The following BRD8 variants were observed in gnomAD, a reference collection of about 807,000 sequenced individuals.
The protein encoded by BRD8 is bromodomain-containing protein 8.
Under a neutral mutation model 143.1 loss-of-function variants are expected in BRD8, and 67 were observed. The observed-to-expected ratio is 0.47, with a 90% CI of 0.38 to 0.57. The LOEUF (loss-of-function observed/expected upper bound fraction) is 0.57, where lower values mean the gene tolerates loss of function less well. Among genes scored for constraint, BRD8 ranks in the 20% least tolerant of loss-of-function variants. BRD8 has a pLI of 0.00. For synonymous variants in BRD8, 505 were observed against 517.1 expected, an observed-to-expected ratio of 0.98 and a Z score of 0.32; for missense variants, 1,103 against 1,503.0, an observed-to-expected ratio of 0.73 and a Z score of 4.40.
chr5:138,169,183 C>T (rs935406005), intron 8 of BRD8, 39 bp downstream of exon 8: 2 of 1,604,104 alleles, frequency 1.2e-6, no homozygotes, highest in Non-Finnish European at 1.7e-6. Flanking sequence ...GCTTATTGCC[C>T]CTTCACTGAT....
chr5:138,177,492 A>T, intron 2 of BRD8, 79 bp downstream of exon 2: 1 of 847,932 alleles, frequency 1.2e-6, no homozygotes. Context: ...TAATATGATT[A>T]ACTATAGAAA....
In BRD8 at chr5:138,140,707, G is replaced by GA; in HGVS notation, c.3612dup (p.Gln1205SerfsTer15). On this transcript the variant is annotated frameshift_variant, in exon 26 of 27. Transcript: ENST00000254900. LOFTEE classifies it high-confidence loss of function. ...CTACAGGTATCTGCATACAGTACCT[G>GA]AATCTGCTCCAGGACTTCTTGCCGC... The GA allele has an allele frequency of 6.2e-7, 1 of 1,613,882 alleles. No individual in the cohort carries two copies. Among genetic ancestry groups the GA allele is most frequent in the South Asian group, 1.1e-5 (1 of 91,078 alleles).
intron 6 of BRD8, 168 bp from the exon 7 acceptor site, chr5:138,170,577 C>A: frequency 2.4e-6 from 2 of 827,198 alleles, no homozygotes; most frequent in Non-Finnish European, 4.2e-6. Context: ...TGCCTAACTC[C>A]CAGTTCTTCA....
chr5:138,151,570 A>G (rs1178113186), intron 21 of BRD8, among the ~76,000 whole-genome samples: 1 of 152,248 alleles, frequency 6.6e-6, no homozygotes, highest in Non-Finnish European at 1.5e-5. Flanking sequence ...CAAAAGCATG[A>G]ATTACAAGGA....
intron 8 of BRD8, 63 bp downstream of exon 8, chr5:138,169,159 G>T: frequency 2.6e-6 from 4 of 1,564,564 alleles, no homozygotes; most frequent in Non-Finnish European, 2.6e-6. Context: ...TTTCCTCATC[G>T]CTCAGCTCTG....
In BRD8 at chr5:138,156,302, G is replaced by A. The variant is rs889238923; in HGVS notation, c.2577+3253C>T. On this transcript the variant is annotated intron_variant, in intron 20 of 26. Coordinates refer to ENST00000254900, the MANE Select transcript of BRD8 (RefSeq NM_139199.2). ...CTACAGACATGCGCCACCACGCCCA[G>A]CTAATTTTTGTATTTTTTGTAGAGA... Among the ~76,000 whole-genome samples the A allele has an allele frequency of 3.3e-5, 5 of 152,100 alleles. No individual in the cohort carries two copies. The East Asian group carries it at 9.7e-4, about 29-fold the overall frequency.
intron 20 of BRD8, among the ~76,000 whole-genome samples, chr5:138,153,801 T>A (rs1164153741): frequency 2.0e-5 from 3 of 151,506 alleles, no homozygotes; most frequent in Non-Finnish European, 2.9e-5. Context: ...CTCAGCCTCC[T>A]GAGTAGCTGA....
Position 138,142,369 on chromosome 5 carries a change from A to G in BRD8, c.3438-1487T>C, listed in dbSNP as rs1452365048. On this transcript the variant is annotated intron_variant, in intron 25 of 26. Transcript: ENST00000254900. Reference sequence around the variant, plus strand: ...ATTATCCAGCCTGTGGTATTGTGCTATAGCAGCACAGACTAGTGACTCTCC... The same window carrying G: ...ATTATCCAGCCTGTGGTATTGTGCTGTAGCAGCACAGACTAGTGACTCTCC... Among the ~76,000 whole-genome samples the G allele has an allele frequency of 2.0e-5, 3 of 152,212 alleles. No homozygotes were observed. The East Asian group carries it at 5.8e-4, about 29-fold the overall frequency.
rs997931598 is a variant in BRD8, at chr5:138,140,001, A to G, written c.*73T>C. On this transcript the variant is annotated 3_prime_UTR_variant, in exon 27 of 27. Transcript: ENST00000254900. The stretch of plus-strand genomic sequence containing the variant: ...GAAAATGAGGACATGGCAAAGAAGT[A>G]CCAGGATCCTCTCTAGGTCAGAGTT... The G allele has an allele frequency of 8.3e-7, 1 of 1,203,056 alleles. No homozygotes were observed. Among genetic ancestry groups the G allele is most frequent in the African/African-American group, 1.5e-5 (1 of 66,554 alleles). The allele number at this position is 1,203,056 out of a possible 1,614,324, so 74.5% of individuals were successfully genotyped here.
chr5:138,153,337 A>G (rs1235614990), intron 20 of BRD8, among the ~76,000 whole-genome samples: 1 of 152,070 alleles, frequency 6.6e-6, no homozygotes, highest in Non-Finnish European at 1.5e-5. Context: ...GTTTTTTTAT[A>G]TCTTTCTTTG....
Position 138,160,876 on chromosome 5 carries a change from G to C in BRD8, c.2427+15C>G. On this transcript the variant is annotated intron_variant, in intron 18 of 26. Transcript: ENST00000254900. The stretch of plus-strand genomic sequence containing the variant: ...AATTTCATCCTTGCTGAAACACAAA[G>C]GATCCTCAAAGTACCTGGATCTGTT... The C allele has an allele frequency of 6.5e-7, 1 of 1,549,866 alleles. No individual in the cohort carries two copies. Among genetic ancestry groups the C allele is most frequent in the Non-Finnish European group, 8.7e-7 (1 of 1,145,430 alleles).
chr5:138,143,063 C>A (rs1427752540), intron 25 of BRD8, among the ~76,000 whole-genome samples: 19 of 152,016 alleles, frequency 1.2e-4, no homozygotes, highest in Non-Finnish European at 1.9e-4. Flanking sequence ...GGTGGGTGAA[C>A]TGCATGAGCC....
Position 138,166,585 on chromosome 5 carries a change from G to C in BRD8, c.930C>G (p.Val310=). Residue 310 remains valine (V), a synonymous_variant, in exon 10 of 27, where the codon GTC becomes GTG. Coordinates refer to ENST00000254900, the MANE Select transcript of BRD8 (RefSeq NM_139199.2). ...PVESVSQATI[V]MMPALPAPSS... The stretch of plus-strand genomic sequence containing the variant: ...ATGGTGCTGGCAGCGCAGGCATCAT[G>C]ACAATGGTAGCTTGGGACACAGACT... 6.2e-7 allele frequency: 1 copy of C among 1,614,022 alleles called. No homozygotes were observed. Among genetic ancestry groups the C allele is most frequent in the Non-Finnish European group, 8.5e-7 (1 of 1,179,936 alleles).
chr5:138,156,040 A>G (rs1335957089), intron 20 of BRD8, among the ~76,000 whole-genome samples: 2 of 150,764 alleles, frequency 1.3e-5, no homozygotes, highest in Admixed American at 6.6e-5. Context: ...ATGCTGGGCT[A>G]ATTTTTTTTT....
chr5:138,151,047 A>C, intron 21 of BRD8, 39 bp from the exon 22 acceptor site: 1 of 1,589,472 alleles, frequency 6.3e-7, no homozygotes, highest in Non-Finnish European at 8.5e-7. Flanking sequence ...CAGGAACACC[A>C]CTGAAAATCA....
intron 11 of BRD8, 31 bp from the exon 12 acceptor site, chr5:138,165,197 C>A: frequency 1.3e-6 from 2 of 1,597,276 alleles, no homozygotes; most frequent in South Asian, 2.3e-5. Flanking sequence ...CTATTGAGGT[C>A]ACAGAAAGAA....
At chr5:138,158,135 T>C (rs927441324) in intron 20 of BRD8, among the ~76,000 whole-genome samples, 1 of 152,222 alleles carries the variant, frequency 6.6e-6, no homozygotes, top group Non-Finnish European at 1.5e-5. Context: ...GCCAGTTTCA[T>C]ATCTATTATC....
rs772257547 is a variant in BRD8 at position 138,165,045 on chromosome 5, C to T, written c.1400G>A (p.Arg467Gln). 50 of 1,613,968 alleles carry T rather than the reference C, an allele frequency of 3.1e-5. No individual in the cohort carries two copies. Among genetic ancestry groups the T allele is most frequent in the South Asian group, 2.3e-4 (21 of 91,080 alleles). The part of the protein sequence containing the change: ...GPWEHPIQQE[R>Q]DKPVPLPAPE... ...TGCAGGGAGAGGTACTGGCTTGTCC[C>T]GCTCCTGCTGGATAGGATGCTCCCA... The change falls in exon 12 of 27, where the codon CGG becomes CAG. Residue 467 changes from arginine to glutamine, a missense_variant. Transcript: ENST00000254900.
intron 2 of BRD8, among the ~76,000 whole-genome samples, chr5:138,175,092 G>A (rs1754211080): frequency 6.6e-6 from 1 of 152,080 alleles, no homozygotes; most frequent in Non-Finnish European, 1.5e-5. Flanking sequence ...CACCGTGTTA[G>A]CCAGGATGGT....
Sources: gnomAD v4.1 joint callset for allele counts (sites outside exome capture counted in the v4.1 genomes callset) on GRCh38, gnomAD v4.1.1 for gene constraint, MANE v1.5 for transcripts, NCBI Gene and HGNC (gene_info 2026-07-23, HGNC 2026-07-21) for gene names.